The following C1orf21 variants were observed in gnomAD, a reference collection of about 807,000 sequenced individuals.
The protein encoded by C1orf21 is uncharacterized protein C1orf21.
C1orf21 carries 3 observed loss-of-function variants against 18.7 expected under a neutral mutation model. That is an observed-to-expected ratio of 0.16 (90% CI 0.07 to 0.42). C1orf21 has a LOEUF of 0.42. Ranked by LOEUF, C1orf21 falls within the 10% of genes least tolerant of loss-of-function variation. The probability of loss-of-function intolerance (pLI) is 0.99; values close to 1 mark genes in which losing one functional copy is unlikely to be tolerated. For synonymous variants in C1orf21, 41 were observed against 46.4 expected (o/e 0.88, Z 0.47); for missense variants, 104 against 143.6 (o/e 0.72, Z 1.41).
rs557986336 is a variant in C1orf21 at position 184,397,235 on chromosome 1, T to C, written c.-125+9867T>C. ...CATTTTCATAATGTCTGTTATTAAATAGATGTGGGAACGTTTATTTGATGG... is the reference window on the plus strand; with the variant it reads ...CATTTTCATAATGTCTGTTATTAAACAGATGTGGGAACGTTTATTTGATGG... On this transcript the variant is annotated intron_variant, in intron 1 of 5. Coordinates refer to ENST00000235307, the MANE Select transcript of C1orf21 (RefSeq NM_030806.4). Among the ~76,000 whole-genome samples, 71 of 152,314 alleles carry C rather than the reference T, an allele frequency of 4.7e-4. 2 individuals are homozygous for C. In the South Asian group the frequency reaches 5.6e-3, roughly 12 times the overall value.
rs1660022290 is a variant in C1orf21, at chr1:184,627,010, C to T, written c.*7454C>T. The T allele has an allele frequency of 6.6e-6, 1 of 152,632 alleles. No homozygotes were observed. The highest frequency in any genetic ancestry group is 1.5e-5 in the Non-Finnish European group (1 of 68,054). 9.5% of individuals were successfully genotyped at this position (152,632 alleles called of 1,614,324 possible). On this transcript the variant is annotated 3_prime_UTR_variant, in exon 6 of 6. Transcript: ENST00000235307. ...CTTCCCCTGGATTAGGTCACATACACCTGGTGGCCAAGCCTCTGCTGGGTC... is the reference window on the plus strand; with the variant it reads ...CTTCCCCTGGATTAGGTCACATACATCTGGTGGCCAAGCCTCTGCTGGGTC...
At chr1:184,506,218 C>T (rs1658059936) in intron 2 of C1orf21, among the ~76,000 whole-genome samples, 1 of 152,070 alleles carries the variant, frequency 6.6e-6, no homozygotes, top group Non-Finnish European at 1.5e-5. Flanking sequence ...GTGGAAAAAA[C>T]AGTTGGCTTA....
chr1:184,524,838 C>T (rs1231872502), intron 3 of C1orf21, among the ~76,000 whole-genome samples: 1 of 152,042 alleles, frequency 6.6e-6, no homozygotes, highest in African/African-American at 2.4e-5. Flanking sequence ...AACCTAAAGG[C>T]AGCTTGTAGT....
At chr1:184,513,937 G>A (rs191806367) in intron 3 of C1orf21, among the ~76,000 whole-genome samples, 14 of 152,324 alleles carry the variant, frequency 9.2e-5, no homozygotes, top group Admixed American at 7.8e-4. Flanking sequence ...GATCAGTGCA[G>A]AAGGTGAATG....
chr1:184,547,446 CTT>C (rs1184522888), intron 3 of C1orf21, among the ~76,000 whole-genome samples: 5 of 60,398 alleles, frequency 8.3e-5, no homozygotes, highest in East Asian at 4.2e-4. Flanking sequence ...TTTTTGGTCT[CTT>C]TGCAAAAATG....
chr1:184,442,458 G>C (rs1371734158), intron 1 of C1orf21, among the ~76,000 whole-genome samples: 2 of 152,168 alleles, frequency 1.3e-5, no homozygotes, highest in African/African-American at 4.8e-5. Context: ...AAAATGTCCA[G>C]CTCTAATTGA....
chr1:184,500,800 A>G (rs542527398), intron 2 of C1orf21, among the ~76,000 whole-genome samples: 2 of 152,200 alleles, frequency 1.3e-5, no homozygotes, highest in South Asian at 4.1e-4. Context: ...CCTCATTCTG[A>G]GGACAGTGAT....
chr1:184,581,070 T>C (rs1478672970), intron 3 of C1orf21, among the ~76,000 whole-genome samples: 3 of 152,102 alleles, frequency 2.0e-5, no homozygotes, highest in African/African-American at 7.2e-5. Context: ...AGTCGCTGGG[T>C]GATTAGATTA....
At chr1:184,573,659 G>A (rs1484526296) in intron 3 of C1orf21, among the ~76,000 whole-genome samples, 1 of 151,990 alleles carries the variant, frequency 6.6e-6, no homozygotes, top group Admixed American at 6.6e-5. Flanking sequence ...CAGGAAAAGC[G>A]TTAACAGTTA....
At chr1:184,440,088 G>A (rs143028136) in intron 1 of C1orf21, among the ~76,000 whole-genome samples, 194 of 152,272 alleles carry the variant, frequency 1.3e-3, no homozygotes, top group Middle Eastern at 3.4e-3. Context: ...ATTTTTAAAT[G>A]ATGGTTGGGA....
At chr1:184,485,238 G>A (rs374154193) in intron 2 of C1orf21, among the ~76,000 whole-genome samples, 1 of 151,792 alleles carries the variant, frequency 6.6e-6, no homozygotes. Flanking sequence ...TGCTGTAAGT[G>A]TAAAATGAGC....
At chr1:184,609,910 T>C (rs866962741) in intron 5 of C1orf21, among the ~76,000 whole-genome samples, 6 of 152,260 alleles carry the variant, frequency 3.9e-5, no homozygotes, top group Non-Finnish European at 8.8e-5. Flanking sequence ...AATTTTTCCA[T>C]TTAATTTTGA....
chr1:184,494,303 A>G (rs1215316788), intron 2 of C1orf21, among the ~76,000 whole-genome samples: 1 of 152,202 alleles, frequency 6.6e-6, no homozygotes, highest in Non-Finnish European at 1.5e-5. Flanking sequence ...GTGATGGGTG[A>G]CAAACTCACA....
intron 5 of C1orf21, among the ~76,000 whole-genome samples, chr1:184,611,037 T>C (rs1188250109): frequency 6.6e-6 from 1 of 152,090 alleles, no homozygotes; most frequent in Non-Finnish European, 1.5e-5. Context: ...TTCCTATATA[T>C]GGTCAAAGAA....
chr1:184,423,249 C>T (rs1361520998), intron 1 of C1orf21, among the ~76,000 whole-genome samples: 1 of 152,226 alleles, frequency 6.6e-6, no homozygotes, highest in Non-Finnish European at 1.5e-5. Flanking sequence ...CATTCAGGAA[C>T]TTCACCAGTC....
rs985037446 is a variant in C1orf21, at chr1:184,621,243, A to C, written c.*1687A>C. On this transcript the variant is annotated 3_prime_UTR_variant, in exon 6 of 6. Coordinates refer to ENST00000235307, the MANE Select transcript of C1orf21 (RefSeq NM_030806.4). ...AAGGGAAGGGAAGGAAACTTAGCAG[A>C]GTGCTATTGACTATAGATTCACATA... is the stretch of plus-strand genomic sequence containing the variant. 6.5e-6 allele frequency: 1 copy of C among 152,676 alleles called. No individual in the cohort carries two copies. The highest frequency in any genetic ancestry group is 1.5e-5 in the Non-Finnish European group (1 of 68,048). 9.5% of individuals were successfully genotyped at this position (152,676 alleles called of 1,614,324 possible).
chr1:184,487,035 G>A (rs1467974050), intron 2 of C1orf21, among the ~76,000 whole-genome samples: 1 of 152,274 alleles, frequency 6.6e-6, no homozygotes, highest in Non-Finnish European at 1.5e-5. Context: ...GGCAAGGCCT[G>A]CTTGGGGATG....
At chr1:184,485,353 G>A (rs1657718185) in intron 2 of C1orf21, among the ~76,000 whole-genome samples, 1 of 152,052 alleles carries the variant, frequency 6.6e-6, no homozygotes, top group Non-Finnish European at 1.5e-5. Context: ...AGATCTATCA[G>A]GTTAAATAAA....
At chr1:184,568,574 TA>T (rs1659066720) in intron 3 of C1orf21, 1 of 380,428 alleles carries the variant, frequency 2.6e-6, no homozygotes, top group Admixed American at 3.2e-5. Context: ...ATATTTAGAG[TA>T]AAATGATGCA....
Sources: allele counts gnomAD v4.1 joint callset (sites outside exome capture counted in the v4.1 genomes callset), GRCh38; gene constraint gnomAD v4.1.1; transcripts MANE v1.5; gene names NCBI Gene and HGNC (gene_info 2026-07-23, HGNC 2026-07-21).